Variants in GRID2 observed in about 807,000 individuals in gnomAD.
GRID2 encodes glutamate receptor ionotropic, delta-2.
Under a neutral mutation model 114.8 loss-of-function variants are expected in GRID2, and 33 were observed. That is an observed-to-expected ratio of 0.29 (90% CI 0.22 to 0.38). GRID2 has a LOEUF of 0.38. GRID2 is among the 10% of genes least tolerant of loss of function. The pLI is 1.00. For missense variants in GRID2, 1,184 were observed against 1,257.7 expected (o/e 0.94, Z 0.89); for synonymous variants, 505 against 449.9 (o/e 1.12, Z -1.55).
At chr4:93,235,054 TA>T (rs1746613104) in intron 7 of GRID2, among the ~76,000 whole-genome samples, 1 of 152,128 alleles carries the variant, frequency 6.6e-6, no homozygotes, top group Non-Finnish European at 1.5e-5. Flanking sequence ...ATTTTTTTTT[TA>T]CTTTTTCCCC....
At chr4:92,344,478 A>G (rs1050783521) in intron 1 of GRID2, among the ~76,000 whole-genome samples, 10 of 152,226 alleles carry the variant, frequency 6.6e-5, no homozygotes, top group Non-Finnish European at 1.5e-4. Flanking sequence ...GCTGCAAAAT[A>G]TCTTTTTCCT....
intron 4 of GRID2, among the ~76,000 whole-genome samples, chr4:93,141,140 T>C (rs180951089): frequency 6.6e-5 from 10 of 152,322 alleles, no homozygotes. Context: ...GTTTCTGTTA[T>C]TTATTACTAT....
intron 10 of GRID2, among the ~76,000 whole-genome samples, chr4:93,454,555 G>C (rs1464694086): frequency 6.6e-6 from 1 of 151,804 alleles, no homozygotes; most frequent in Non-Finnish European, 1.5e-5. Context: ...ATATGAACTC[G>C]GTACACACAG....
chr4:92,776,435 T>TCCACACATACAGCTAC (rs780102978), intron 2 of GRID2, among the ~76,000 whole-genome samples: 9 of 152,032 alleles, frequency 5.9e-5, no homozygotes, highest in Non-Finnish European at 1.3e-4. Context: ...ACACATGACA[T>TCCACACATACAGCTAC]CCACACATAC....
At chr4:92,495,588 A>G (rs1723348393) in intron 1 of GRID2, among the ~76,000 whole-genome samples, 1 of 151,952 alleles carries the variant, frequency 6.6e-6, no homozygotes, top group African/African-American at 2.4e-5. Flanking sequence ...TGTAGGCAAG[A>G]TTGAATGAGA....
chr4:92,674,718 T>C (rs1310487216), intron 2 of GRID2, among the ~76,000 whole-genome samples: 4 of 152,112 alleles, frequency 2.6e-5, no homozygotes, highest in African/African-American at 9.7e-5. Flanking sequence ...AGATGGGGTT[T>C]CACCATCTTG....
intron 8 of GRID2, among the ~76,000 whole-genome samples, chr4:93,364,352 T>C (rs1762145303): frequency 6.6e-6 from 1 of 152,294 alleles, no homozygotes; most frequent in African/African-American, 2.4e-5. Context: ...TGTGACTTAG[T>C]GAGCTCTTTT....
intron 2 of GRID2, among the ~76,000 whole-genome samples, chr4:93,047,591 C>T (rs569532854): frequency 6.6e-6 from 1 of 152,088 alleles, no homozygotes; most frequent in East Asian, 1.9e-4. Context: ...AATCTCTCCA[C>T]ACATATATAC....
chr4:92,575,383 A>T (rs970537597), intron 1 of GRID2, among the ~76,000 whole-genome samples: 2 of 152,182 alleles, frequency 1.3e-5, no homozygotes, highest in Admixed American at 1.3e-4. Flanking sequence ...CATTTAGAGG[A>T]AAAGGGACAC....
intron 8 of GRID2, among the ~76,000 whole-genome samples, chr4:93,326,821 A>G (rs1757885400): frequency 6.6e-6 from 1 of 152,110 alleles, no homozygotes; most frequent in Non-Finnish European, 1.5e-5. Flanking sequence ...CCTATCCAAT[A>G]CAGATTTTCT....
At chr4:92,917,191 A>T (rs1748879374) in intron 2 of GRID2, among the ~76,000 whole-genome samples, 1 of 152,152 alleles carries the variant, frequency 6.6e-6, no homozygotes. Flanking sequence ...TCCTTCGCCC[A>T]CGTGGTGATG....
chr4:93,496,169 A>G (rs1355310949), intron 12 of GRID2, among the ~76,000 whole-genome samples: 1 of 151,664 alleles, frequency 6.6e-6, no homozygotes, highest in African/African-American at 2.4e-5. Flanking sequence ...AAGTACAAAA[A>G]GATGTCGAAG....
chr4:93,782,194 C>T (rs957165993), intron 1 of GRID2, among the ~76,000 whole-genome samples: 20 of 152,000 alleles, frequency 1.3e-4, no homozygotes, highest in Non-Finnish European at 2.5e-4. Context: ...CCAGTGTCTC[C>T]AAGGTCCTTA....
intron 4 of GRID2, among the ~76,000 whole-genome samples, chr4:93,121,359 T>C (rs1192866640): frequency 6.6e-6 from 1 of 152,196 alleles, no homozygotes. Context: ...GTATCCTGAC[T>C]TTTAACACTA....
intron 2 of GRID2, among the ~76,000 whole-genome samples, chr4:92,757,532 A>G (rs1316182054): frequency 6.6e-6 from 1 of 152,086 alleles, no homozygotes; most frequent in Non-Finnish European, 1.5e-5. Flanking sequence ...ACAAATTTGG[A>G]GCTCAGGGAG....
At chr4:92,987,796 C>A (rs1754601879) in intron 2 of GRID2, among the ~76,000 whole-genome samples, 1 of 151,744 alleles carries the variant, frequency 6.6e-6, no homozygotes. Context: ...TTGGCAAATG[C>A]CAACTCTCTC....
At chr4:92,555,597 G>T (rs1370530360) in intron 1 of GRID2, among the ~76,000 whole-genome samples, 1 of 152,060 alleles carries the variant, frequency 6.6e-6, no homozygotes, top group Non-Finnish European at 1.5e-5. Context: ...AAAATATTGG[G>T]ATGAAATTTA....
chr4:92,650,133 T>G (rs949228059), intron 2 of GRID2, among the ~76,000 whole-genome samples: 1 of 152,064 alleles, frequency 6.6e-6, no homozygotes, highest in African/African-American at 2.4e-5. Context: ...ACAATAGATT[T>G]GCTTAATATA....
intron 3 of GRID2, among the ~76,000 whole-genome samples, chr4:93,093,130 T>C (rs1389626353): frequency 6.6e-6 from 1 of 152,000 alleles, no homozygotes; most frequent in Non-Finnish European, 1.5e-5. Context: ...AAGGAAGAAT[T>C]TGATTTTGAT....
Sources: gnomAD v4.1 joint callset for allele counts (sites outside exome capture counted in the v4.1 genomes callset) on GRCh38, gnomAD v4.1.1 for gene constraint, MANE v1.5 for transcripts, NCBI Gene and HGNC (gene_info 2026-07-23, HGNC 2026-07-21) for gene names.